Variants in NIPAL3 observed in about 807,000 individuals in gnomAD.
NIPAL3 encodes NIPA like domain containing 3.
Under a neutral mutation model 47.2 loss-of-function variants are expected in NIPAL3, and 41 were observed. That is an observed-to-expected ratio of 0.87 (90% CI 0.68 to 1.13). NIPAL3 has a LOEUF of 1.13. Ranked by LOEUF, NIPAL3 falls within the 50% of genes most tolerant of loss-of-function variation. The pLI, the probability that NIPAL3 is intolerant of heterozygous loss-of-function variation, is 0.00. For missense variants in NIPAL3, 449 were observed against 530.1 expected (o/e 0.85, Z 1.50); for synonymous variants, 194 against 209.6 (o/e 0.93, Z 0.64).
chr1:24,460,800 C>G (rs1646435156), intron 10 of NIPAL3, among the ~76,000 whole-genome samples: 1 of 152,142 alleles, frequency 6.6e-6, no homozygotes, highest in Admixed American at 6.5e-5. Context: ...TCAACCTCAC[C>G]TCGGATCTAA....
intron 2 of NIPAL3, among the ~76,000 whole-genome samples, chr1:24,435,585 C>T (rs1645063393): frequency 6.6e-6 from 1 of 152,188 alleles, no homozygotes; most frequent in East Asian, 1.9e-4. Flanking sequence ...ACCTATATAG[C>T]TCCATCTCTC....
chr1:24,441,913 T>C, intron 3 of NIPAL3, 142 bp from the exon 4 acceptor site: 1 of 744,004 alleles, frequency 1.3e-6, no homozygotes, highest in East Asian at 2.6e-5. Flanking sequence ...ACTGTCTTAC[T>C]CTTCTCTGAG....
chr1:24,445,101 A>G (rs1645594226), intron 4 of NIPAL3, 84 bp from the exon 5 acceptor site: 1 of 888,842 alleles, frequency 1.1e-6, no homozygotes. Flanking sequence ...CAATGCAAAG[A>G]AGCCACCCAG....
At chr1:24,424,388 T>C (rs7539304) in intron 2 of NIPAL3, among the ~76,000 whole-genome samples, 3,079 of 152,026 alleles carry the variant, frequency 0.02, 88 homozygotes, top group African/African-American at 0.065. Flanking sequence ...CCTAACACAG[T>C]GTCTGACCAT....
intron 10 of NIPAL3, among the ~76,000 whole-genome samples, chr1:24,461,975 A>G (rs373014133): frequency 2.6e-5 from 4 of 152,258 alleles, no homozygotes; most frequent in East Asian, 3.8e-4. Flanking sequence ...TTGCTAATAA[A>G]GACATACCTG....
At chr1:24,463,070 T>C (rs1344768725) in intron 10 of NIPAL3, among the ~76,000 whole-genome samples, 1 of 152,054 alleles carries the variant, frequency 6.6e-6, no homozygotes, top group African/African-American at 2.4e-5. Flanking sequence ...GTGCCTGTAA[T>C]CCCAGGTACT....
At chr1:24,459,020 G>T in intron 9 of NIPAL3, 44 bp downstream of exon 9, 4 of 1,550,248 alleles carry the variant, frequency 2.6e-6, no homozygotes, top group Non-Finnish European at 3.6e-6. Flanking sequence ...TACTTTAGCA[G>T]CAGGGTATTA....
At chr1:24,423,019 G>A (rs759365158) in intron 2 of NIPAL3, among the ~76,000 whole-genome samples, 2 of 152,216 alleles carry the variant, frequency 1.3e-5, no homozygotes, top group Non-Finnish European at 2.9e-5. Context: ...GTCTCCTTGT[G>A]CCCCTGCTAG....
intron 2 of NIPAL3, among the ~76,000 whole-genome samples, chr1:24,425,139 C>G (rs1184126716): frequency 1.3e-5 from 2 of 152,140 alleles, no homozygotes; most frequent in African/African-American, 4.8e-5. Flanking sequence ...AAAGTCAGGT[C>G]TCAATTCTTC....
chr1:24,433,835 A>G (rs887897298), intron 2 of NIPAL3, among the ~76,000 whole-genome samples: 5 of 152,218 alleles, frequency 3.3e-5, no homozygotes, highest in Non-Finnish European at 7.3e-5. Flanking sequence ...GGAACTATAT[A>G]GGAGCAAAGT....
At position 24,419,505 on chromosome 1, in the gene NIPAL3, C is replaced by T. The variant is rs1000552928; in HGVS notation, c.-43C>T. On this transcript the variant is annotated 5_prime_UTR_variant, in exon 2 of 12. Coordinates refer to ENST00000374399, the MANE Select transcript of NIPAL3 (RefSeq NM_020448.5). ...CCTGGGCCCCGCCTAGCAGCAGCTC[C>T]ACCTCCTAGGCCAGGCCCTGTGGGA... The T allele has an allele frequency of 1.3e-6, 2 of 1,547,326 alleles. No homozygotes were observed. Among genetic ancestry groups the T allele is most frequent in the Non-Finnish European group, 1.7e-6 (2 of 1,144,848 alleles).
chr1:24,462,170 G>A (rs1025175637), intron 10 of NIPAL3, among the ~76,000 whole-genome samples: 2 of 152,256 alleles, frequency 1.3e-5, no homozygotes, highest in Admixed American at 1.3e-4. Flanking sequence ...ATCAGATCTC[G>A]TGAGAACTCA....
Position 24,451,083 on chromosome 1 carries a change from G to A in NIPAL3, c.540+1457G>A, listed in dbSNP as rs57455157. On this transcript the variant is annotated intron_variant, in intron 6 of 11. Coordinates refer to ENST00000374399, the MANE Select transcript of NIPAL3 (RefSeq NM_020448.5). This position sits in a 1 kb window ranked among gnomAD's most constrained non-coding sequence, Gnocchi z 4.5. ...TTCTCTGTTTCCCTCTCTGTAAAGT[G>A]GCAAGAATCTCTGGACTTAAAATTG... Among the ~76,000 whole-genome samples the A allele has an allele frequency of 0.037, 5,671 of 152,298 alleles. 340 individuals carry two copies. Among genetic ancestry groups the A allele is most frequent in the African/African-American group, 0.13 (5,350 of 41,540 alleles).
Position 24,416,386 on chromosome 1 carries a change from T to C in NIPAL3, c.-258+482T>C, listed in dbSNP as rs1294229758. ...AGGAACGGGAAGCTTGGCAGGGAAC[T>C]GGCGCTCACCTCCAGAAGCCAGATC... On this transcript the variant is annotated intron_variant, in intron 1 of 11. Coordinates refer to ENST00000374399, the MANE Select transcript of NIPAL3 (RefSeq NM_020448.5). This position sits in a 1 kb window ranked among gnomAD's most constrained non-coding sequence, Gnocchi z 4.8. The C allele has an allele frequency of 2.1e-6, 2 of 960,486 alleles. No homozygotes were observed. The highest frequency in any genetic ancestry group is 6.2e-5 in the Admixed American group (1 of 16,226). 59.5% of individuals were successfully genotyped at this position (960,486 alleles called of 1,614,324 possible). A position where few individuals can be genotyped will look rare whatever the true frequency, so the allele number is the denominator to read the frequency against.
In NIPAL3 at chr1:24,451,815, G is replaced by A. The variant is rs1436471669; in HGVS notation, c.541-1593G>A. Among the ~76,000 whole-genome samples the A allele has an allele frequency of 5.9e-5, 9 of 152,214 alleles. No individual in the cohort carries two copies. The highest frequency in any genetic ancestry group is 2.9e-5 in the Non-Finnish European group (2 of 68,040). On this transcript the variant is annotated intron_variant, in intron 6 of 11. Transcript: ENST00000374399. The surrounding 1 kb of genome is among the most constrained non-coding windows in gnomAD (Gnocchi z 4.5). ...ATGATTGACAGCACATCCACTTGATGAAGTATTCTGCAGCAATTAAAGATA... is the reference window on the plus strand; with the variant it reads ...ATGATTGACAGCACATCCACTTGATAAAGTATTCTGCAGCAATTAAAGATA...
intron 10 of NIPAL3, among the ~76,000 whole-genome samples, chr1:24,461,248 A>G (rs1209046541): frequency 6.6e-6 from 1 of 152,152 alleles, no homozygotes; most frequent in Non-Finnish European, 1.5e-5. Flanking sequence ...ACATTCATCA[A>G]AAAAAATCAC....
At chr1:24,423,525 G>A (rs943537336) in intron 2 of NIPAL3, among the ~76,000 whole-genome samples, 14 of 152,186 alleles carry the variant, frequency 9.2e-5, no homozygotes, top group African/African-American at 3.1e-4. Context: ...AGCTACTGGG[G>A]AGGCTGAGGC....
At chr1:24,452,502 A>T (rs1645985543) in intron 6 of NIPAL3, among the ~76,000 whole-genome samples, 1 of 152,184 alleles carries the variant, frequency 6.6e-6, no homozygotes, top group Non-Finnish European at 1.5e-5. Context: ...TTATGGGCCC[A>T]TAAAAAGAAT....
At chr1:24,466,804 G>A (rs1467963643) in intron 11 of NIPAL3, among the ~76,000 whole-genome samples, 1 of 152,152 alleles carries the variant, frequency 6.6e-6, no homozygotes, top group Non-Finnish European at 1.5e-5. Context: ...CTGAGAACGG[G>A]CACCTCCTCA....
Sources: allele counts gnomAD v4.1 joint callset (sites outside exome capture counted in the v4.1 genomes callset), GRCh38; gene constraint gnomAD v4.1.1; non-coding constraint Gnocchi (gnomAD v3.1); transcripts MANE v1.5; gene names NCBI Gene and HGNC (gene_info 2026-07-23, HGNC 2026-07-21).